The following NUP210L variants were observed in gnomAD, a reference collection of about 807,000 sequenced individuals.
NUP210L encodes nucleoporin 210 like, also known as nuclear pore membrane glycoprotein 210-like.
Under a neutral mutation model 208.5 loss-of-function variants are expected in NUP210L, and 74 were observed. That is an observed-to-expected ratio of 0.35 (90% CI 0.29 to 0.43). The LOEUF is 0.43. Among genes scored for constraint, NUP210L ranks in the 20% least tolerant of loss-of-function variants. The pLI is 1.00. For synonymous variants in NUP210L, 780 were observed against 816.9 expected (o/e 0.95, Z 0.77); for missense variants, 1,843 against 2,289.4 (o/e 0.81, Z 3.98).
At chr1:154,016,008 A>C (rs747703344) in intron 33 of NUP210L, among the ~76,000 whole-genome samples, 10 of 151,914 alleles carry the variant, frequency 6.6e-5, no homozygotes, top group Non-Finnish European at 8.8e-5. Context: ...TAATCCTAGC[A>C]CTTTGGGAGG....
intron 35 of NUP210L, among the ~76,000 whole-genome samples, chr1:154,007,636 G>A (rs868674849): frequency 6.7e-6 from 1 of 149,480 alleles, no homozygotes; most frequent in Non-Finnish European, 1.5e-5. Flanking sequence ...GCAGTGGCGC[G>A]ATCTCGGCTC....
chr1:154,010,258 T>C, intron 34 of NUP210L, 137 bp from the exon 35 acceptor site: 1 of 679,358 alleles, frequency 1.5e-6, no homozygotes, highest in Non-Finnish European at 2.4e-6. Flanking sequence ...TTTGCCCACC[T>C]CTGCTTCAAT....
chr1:154,121,272 T>G (rs1657602823), intron 10 of NUP210L, among the ~76,000 whole-genome samples: 1 of 152,184 alleles, frequency 6.6e-6, no homozygotes, highest in African/African-American at 2.4e-5. Flanking sequence ...GCTGTTTTGC[T>G]ATTGCATGCC....
intron 5 of NUP210L, among the ~76,000 whole-genome samples, 200 bp downstream of exon 5, chr1:154,139,602 G>A (rs1033538083): frequency 6.6e-6 from 1 of 151,868 alleles, no homozygotes. Flanking sequence ...ACTGGGGCAG[G>A]CAGACTGCTT....
At position 154,037,656 on chromosome 1, in the gene NUP210L, C is replaced by CTTTTA. The variant is rs774905976; in HGVS notation, c.3697-7607_3697-7603dup. ...TTAAATCCTTTCAGCCACTCTATGT[C>CTTTTA]TTTTATTTTATTTTATTTTATTTTA... is the stretch of plus-strand genomic sequence containing the variant. On this transcript the variant is annotated intron_variant, in intron 27 of 39. Transcript: ENST00000368559. Among the ~76,000 whole-genome samples, 126 of 152,064 alleles carry CTTTTA rather than the reference C, an allele frequency of 8.3e-4. 2 individuals carry two copies. Among genetic ancestry groups the CTTTTA allele is most frequent in the Non-Finnish European group, 1.2e-3 (84 of 67,978 alleles).
At position 154,002,313 on chromosome 1, in the gene NUP210L, C is replaced by G. The variant is rs1340643455; in HGVS notation, c.4931-328G>C. Among the ~76,000 whole-genome samples the G allele has an allele frequency of 2.6e-5, 4 of 152,092 alleles. No homozygotes were observed. The South Asian group carries it at 6.2e-4, about 24-fold the overall frequency. ...ATTCTGCAGCCCGACCTCCCAGGCTCTGGCGATCCTCCCACCTCAGCCTCC... is the reference window on the plus strand; with the variant it reads ...ATTCTGCAGCCCGACCTCCCAGGCTGTGGCGATCCTCCCACCTCAGCCTCC... On this transcript the variant is annotated intron_variant, in intron 35 of 39. Coordinates refer to ENST00000368559, the Ensembl canonical transcript of NUP210L.
intron 4 of NUP210L, among the ~76,000 whole-genome samples, chr1:154,140,231 A>G (rs1008665046): frequency 1.3e-5 from 2 of 150,702 alleles, no homozygotes; most frequent in Admixed American, 6.6e-5. Flanking sequence ...TGTGCCTGTA[A>G]TTCCAGCTAC....
In NUP210L at chr1:154,140,666, C is replaced by CAAAAAAAAAAAAA. The variant is rs1434093544; in HGVS notation, c.567-715_567-714insTTTTTTTTTTTTT. ...TGAGTGACAGAGCAAGACTCCATCT[C>CAAAAAAAAAAAAA]AAAAAAAAAAACAGAAAAAGAAAAG... On this transcript the variant is annotated intron_variant, in intron 4 of 39. Coordinates refer to ENST00000368559, the Ensembl canonical transcript of NUP210L. Among the ~76,000 whole-genome samples the CAAAAAAAAAAAAA allele has an allele frequency of 2.0e-4, 21 of 102,464 alleles. 2 individuals are homozygous for CAAAAAAAAAAAAA. Among genetic ancestry groups the CAAAAAAAAAAAAA allele is most frequent in the South Asian group, 9.0e-4 (3 of 3,322 alleles). 67.2% of individuals were successfully genotyped at this position (102,464 alleles called of 152,430 possible). A position where few individuals can be genotyped will look rare whatever the true frequency, so the allele number is the denominator to read the frequency against.
chr1:154,038,517 A>AT (rs1324121632), intron 27 of NUP210L, among the ~76,000 whole-genome samples: 3 of 151,366 alleles, frequency 2.0e-5, no homozygotes, highest in Non-Finnish European at 4.4e-5. Context: ...TAATTTTTGT[A>AT]TTTTTTTAGT....
intron 15 of NUP210L, 47 bp from the exon 16 acceptor site, chr1:154,089,641 A>T (rs1324396078): frequency 7.0e-7 from 1 of 1,434,306 alleles, no homozygotes; most frequent in African/African-American, 1.4e-5. Flanking sequence ...TAGATACTTG[A>T]TGTCAGTCAT....
intron 16 of NUP210L, among the ~76,000 whole-genome samples, chr1:154,072,622 G>T (rs531270386): frequency 6.6e-6 from 1 of 152,104 alleles, no homozygotes; most frequent in Non-Finnish European, 1.5e-5. Flanking sequence ...GTGAGCCACC[G>T]CGCCTGGCAA....
chr1:154,066,169 A>G (rs1421227033), intron 17 of NUP210L, among the ~76,000 whole-genome samples: 3 of 152,218 alleles, frequency 2.0e-5, no homozygotes, highest in African/African-American at 7.2e-5. Context: ...CACAAGAGAA[A>G]GCAGGAAAGA....
chr1:154,001,112 A>G (rs1258483052), intron 36 of NUP210L, 52 bp from the exon 37 acceptor site: 1 of 1,450,456 alleles, frequency 6.9e-7, no homozygotes, highest in Admixed American at 1.8e-5. Flanking sequence ...TCAACTTTGT[A>G]TCAGTATGTT....
intron 12 of NUP210L, among the ~76,000 whole-genome samples, chr1:154,113,785 G>C (rs565751435): frequency 6.6e-6 from 1 of 150,524 alleles, no homozygotes; most frequent in Non-Finnish European, 1.5e-5. Flanking sequence ...TTGAACCTGG[G>C]AGGTGGAGGT....
At chr1:154,055,837 G>A (rs945130660) in intron 23 of NUP210L, among the ~76,000 whole-genome samples, 4 of 152,162 alleles carry the variant, frequency 2.6e-5, no homozygotes, top group African/African-American at 9.7e-5. Context: ...CTACTCACTA[G>A]AGTAAAAGTG....
chr1:154,060,448 A>G, intron 20 of NUP210L, 92 bp downstream of exon 20: 1 of 754,670 alleles, frequency 1.3e-6, no homozygotes, highest in Non-Finnish European at 2.2e-6. Flanking sequence ...TACTTCTGTA[A>G]CAAGTTTTAG....
exon 16 of NUP210L, chr1:154,089,462 C>A (rs1557968870): frequency 6.2e-7 from 1 of 1,614,134 alleles, no homozygotes; most frequent in Non-Finnish European, 8.5e-7. Flanking sequence ...GGCTGGGCAC[C>A]AGCTGGCACC....
chr1:154,135,308 C>G (rs1203850576), intron 7 of NUP210L, among the ~76,000 whole-genome samples: 1 of 152,066 alleles, frequency 6.6e-6, no homozygotes, highest in Non-Finnish European at 1.5e-5. Flanking sequence ...TAGTAGATCC[C>G]AAGTTCCAAC....
At chr1:154,110,570 G>A (rs1024060043) in intron 12 of NUP210L, among the ~76,000 whole-genome samples, 3 of 151,412 alleles carry the variant, frequency 2.0e-5, no homozygotes, top group Non-Finnish European at 2.9e-5. Flanking sequence ...GCACCCAGCC[G>A]AAGTATCTTA....
Sources: allele counts gnomAD v4.1 joint callset (sites outside exome capture counted in the v4.1 genomes callset), GRCh38; gene constraint gnomAD v4.1.1; transcripts MANE v1.5; gene names NCBI Gene and HGNC (gene_info 2026-07-23, HGNC 2026-07-21).